Variants in P3H3 observed in about 807,000 individuals in gnomAD.
P3H3 encodes gene rich cluster, B.
P3H3 carries 64 observed loss-of-function variants against 78.1 expected under a neutral mutation model. The ratio of observed to expected loss-of-function variants is 0.82; its 90% CI spans 0.67 to 1.01. P3H3 has a LOEUF of 1.01. P3H3 is among the 50% of genes least tolerant of loss of function. The probability of loss-of-function intolerance (pLI) is 0.00; values close to 1 mark genes in which losing one functional copy is unlikely to be tolerated. For missense variants in P3H3, 975 were observed against 982.2 expected, an observed-to-expected ratio of 0.99 and a Z score of 0.10; for synonymous variants, 425 against 416.7, an observed-to-expected ratio of 1.02 and a Z score of -0.24.
At chr12:6,838,191 C>G in intron 13 of P3H3, 158 bp downstream of exon 13, 2 of 995,176 alleles carry the variant, frequency 2.0e-6, no homozygotes, top group Non-Finnish European at 1.5e-6. Flanking sequence ...TCCTCCGTAG[C>G]AAGGTCTCTA....
intron 6 of P3H3, 148 bp downstream of exon 6, chr12:6,832,062 C>T (rs1033375845): frequency 8.1e-6 from 5 of 614,140 alleles, no homozygotes; most frequent in Non-Finnish European, 1.5e-5. Context: ...GACAGTGTGC[C>T]TGTAGTTAGG....
Position 6,830,013 on chromosome 12 carries a change from T to G in P3H3, c.651+2T>G. 1.2e-6 allele frequency: 2 copies of G among 1,613,638 alleles called. No homozygotes were observed. The highest frequency in any genetic ancestry group is 1.7e-6 in the Non-Finnish European group (2 of 1,179,774). ...GACCTGGAGACGCCCCCACACTGGGTGAGAATCCCAGCACCACCCCTGTCT... is the reference window on the plus strand; with the variant it reads ...GACCTGGAGACGCCCCCACACTGGGGGAGAATCCCAGCACCACCCCTGTCT... On this transcript the variant is annotated splice_donor_variant, in intron 2 of 14. Coordinates refer to ENST00000290510, the MANE Select transcript of P3H3 (RefSeq NM_014262.5). LOFTEE classifies it high-confidence loss of function.
chr12:6,828,490 C>G lies in P3H3; in HGVS notation c.50C>G (p.Pro17Arg). Reference protein sequence around the residue: ...PLLLLLLLPPPGSPEPPGLTQ... With the variant: ...PLLLLLLLPPRGSPEPPGLTQ... ...CTGCTACTGCTGCTGCTGCCTCCCC[C>G]GGGGTCCCCTGAGCCCCCCGGCCTG... Residue 17 changes from proline to arginine, a missense_variant, in exon 1 of 15, where the codon CCG (proline) becomes CGG (arginine). Coordinates refer to ENST00000290510, the MANE Select transcript of P3H3 (RefSeq NM_014262.5). 2 of 1,321,744 alleles carry G rather than the reference C, an allele frequency of 1.5e-6. No homozygotes were observed. Among genetic ancestry groups the G allele is most frequent in the African/African-American group, 3.0e-5 (2 of 66,056 alleles). 81.9% of individuals were successfully genotyped at this position (1,321,744 alleles called of 1,614,324 possible).
chr12:6,838,145 C>A, intron 13 of P3H3, 112 bp downstream of exon 13: 1 of 1,404,180 alleles, frequency 7.1e-7, no homozygotes. Flanking sequence ...GCTTTTAACC[C>A]TTTCACTTCC....
intron 9 of P3H3, chr12:6,834,734 G>C (rs938593278): frequency 6.6e-6 from 1 of 152,172 alleles, no homozygotes; most frequent in Non-Finnish European, 1.5e-5. Context: ...CTGGGAGTTC[G>C]AGACCAGCCT....
rs370202438 is a variant in P3H3, at chr12:6,839,025, G to A, written c.1931G>A (p.Arg644His). Residue 644 changes from arginine to histidine, a missense_variant, in exon 14 of 15, where the codon CGC (arginine) becomes CAC (histidine). Arg to His is a conservative substitution (Grantham distance 29). Transcript: ENST00000290510. ...GCTCGGGTGCGTCCTCGCTGTGGGC[G>A]CCTTGTGGCCTTCAGCTCCGGTGTC... ...VTARVRPRCG[R>H]LVAFSSGVEN... is the part of the protein sequence containing the mutation. 25 of 1,608,692 alleles carry A rather than the reference G, an allele frequency of 1.6e-5. 1 individual carries two copies. Among genetic ancestry groups the A allele is most frequent in the Middle Eastern group, 1.6e-4 (1 of 6,062 alleles).
In P3H3 at chr12:6,830,594, G is replaced by T. The variant is rs782678200; in HGVS notation, c.853+40G>T. The T allele has an allele frequency of 3.8e-6, 6 of 1,589,836 alleles. No individual in the cohort carries two copies. The African/African-American group carries it at 8.1e-5, about 21-fold the overall frequency. ...TGTGAGGGGGTGGGTCGGTGCCCAG[G>T]GAGGGGCATGAACAAGCTGAATGGC... On this transcript the variant is annotated intron_variant, in intron 3 of 14. Coordinates refer to ENST00000290510, the MANE Select transcript of P3H3 (RefSeq NM_014262.5).
chr12:6,830,659 C>A lies in P3H3; in HGVS notation c.874C>A (p.Gln292Lys), dbSNP rs782610025. The change falls in exon 4 of 15, where the codon CAG (glutamine) becomes AAG (lysine). Residue 292 changes from glutamine (Q) to lysine (K), a missense_variant. By Grantham distance (53) the Gln-to-Lys change is moderately conservative. Coordinates refer to ENST00000290510, the MANE Select transcript of P3H3 (RefSeq NM_014262.5). ...TGCAGGACACTGGATTCAGGTCCTG[C>A]AGTGCCGGCAACGCTGTGTGGGGGA... is the stretch of plus-strand genomic sequence containing the variant. ...AIAGHWIQVL[Q>K]CRQRCVGETA... The A allele has an allele frequency of 6.2e-7, 1 of 1,612,730 alleles. No homozygotes were observed.
At position 6,831,433 on chromosome 12, in the gene P3H3, C is replaced by T. The variant is rs937791998; in HGVS notation, c.1122+81C>T. The T allele has an allele frequency of 1.5e-5, 24 of 1,568,724 alleles. 1 individual carries two copies. Among genetic ancestry groups the T allele is most frequent in the South Asian group, 2.3e-5 (2 of 87,352 alleles). On this transcript the variant is annotated intron_variant, in intron 5 of 14. Coordinates refer to ENST00000290510, the MANE Select transcript of P3H3 (RefSeq NM_014262.5). The surrounding 1 kb of genome is among the most constrained non-coding windows in gnomAD (Gnocchi z 4.6). ...TGAGAAGTAACCTGGACCCCCACCC[C>T]CCGCTGGCCTCTTACCCGAGCACTC...
At position 6,837,591 on chromosome 12, in the gene P3H3, CACT is replaced by C. The variant is rs1943512525; in HGVS notation, c.1711+19_1711+21del. 4 of 1,609,408 alleles carry C rather than the reference CACT, an allele frequency of 2.5e-6. No homozygotes were observed. Among genetic ancestry groups the C allele is most frequent in the Non-Finnish European group, 3.4e-6 (4 of 1,178,186 alleles). Reference sequence around the variant, plus strand: ...CATAGAAGGTACGACAGGGACCCCCCACTGCTCTTCTCCAACCTCAGGCCCTGC... The same window carrying C: ...CATAGAAGGTACGACAGGGACCCCCCGCTCTTCTCCAACCTCAGGCCCTGC... On this transcript the variant is annotated intron_variant, in intron 11 of 14. Transcript: ENST00000290510.
rs969747503 is a variant in P3H3, at chr12:6,829,114, C to A, written c.498+176C>A. 2.8e-4 allele frequency: 114 copies of A among 406,940 alleles called. No individual in the cohort carries two copies. The highest frequency in any genetic ancestry group is 2.6e-5 in the Non-Finnish European group (6 of 235,030). 25.2% of individuals were successfully genotyped at this position (406,940 alleles called of 1,614,324 possible). A position where few individuals can be genotyped will look rare whatever the true frequency, so the allele number is the denominator to read the frequency against. On this transcript the variant is annotated intron_variant, in intron 1 of 14. Coordinates refer to ENST00000290510, the MANE Select transcript of P3H3 (RefSeq NM_014262.5). This position sits in a 1 kb window ranked among gnomAD's most constrained non-coding sequence, Gnocchi z 5.1. ...AGCGACCGCGAGGACCTCTTGAGAT[C>A]GCAGAGGAGCAGCCGAGGGGGAGTG...
chr12:6,830,959 C>A, intron 4 of P3H3, 189 bp downstream of exon 4: 2 of 883,952 alleles, frequency 2.3e-6, no homozygotes, highest in Non-Finnish European at 1.8e-6. Flanking sequence ...AGGAGATGGG[C>A]TTCCTTCTGC....
At chr12:6,830,938 G>A in intron 4 of P3H3, 168 bp downstream of exon 4, 1 of 1,012,318 alleles carries the variant, frequency 9.9e-7, no homozygotes, top group Non-Finnish European at 1.5e-6. Flanking sequence ...TTTGGCGCCT[G>A]TGACAAGCTC....
rs1943419586 is a variant in P3H3 at position 6,829,098 on chromosome 12, G to C, written c.498+160G>C. ...GCGTAGGAGCTGGCTAAGCGACCGC[G>C]AGGACCTCTTGAGATCGCAGAGGAG... On this transcript the variant is annotated intron_variant, in intron 1 of 14. Coordinates refer to ENST00000290510, the MANE Select transcript of P3H3 (RefSeq NM_014262.5). The surrounding 1 kb of genome is among the most constrained non-coding windows in gnomAD (Gnocchi z 5.1). 2.3e-6 allele frequency: 1 copy of C among 427,190 alleles called. No individual in the cohort carries two copies. Among genetic ancestry groups the C allele is most frequent in the Middle Eastern group, 6.1e-4 (1 of 1,636 alleles). The allele number at this position is 427,190 out of a possible 1,614,324, so 26.5% of individuals were successfully genotyped here.
chr12:6,829,010 G>C lies in P3H3; in HGVS notation c.498+72G>C. On this transcript the variant is annotated intron_variant, in intron 1 of 14. Transcript: ENST00000290510. The surrounding 1 kb of genome is among the most constrained non-coding windows in gnomAD (Gnocchi z 5.1). ...ACGCTGTCCTACTTTGCGTTGCCCA[G>C]GAGTAGGCGGAATGCTGTTGCCCGG... The C allele has an allele frequency of 1.1e-6, 1 of 908,290 alleles. No homozygotes were observed. Among genetic ancestry groups the C allele is most frequent in the Non-Finnish European group, 1.4e-6 (1 of 692,326 alleles). The allele number at this position is 908,290 out of a possible 1,614,324, so 56.3% of individuals were successfully genotyped here.
chr12:6,837,294 T>C, intron 10 of P3H3, 129 bp from the exon 11 acceptor site: 1 of 1,329,954 alleles, frequency 7.5e-7, no homozygotes, highest in Non-Finnish European at 1.0e-6. Context: ...TTTGGGCTGA[T>C]GGACAGAGCT....
In P3H3 at chr12:6,833,935, C is replaced by T. The variant is rs1943472604; in HGVS notation, c.1344C>T (p.Leu448=). Residue 448 remains leucine, a synonymous_variant, in exon 9 of 15, where the codon CTC becomes CTT. Transcript: ENST00000290510. The part of the protein sequence containing the change: ...KPLTYWKDVL[L]LEGVTLTQDS... ...TCTTTTCCCTGGCAGATGTCCTTCT[C>T]CTGGAGGGTGTGACCTTGACCCAGG... The T allele has an allele frequency of 6.2e-7, 1 of 1,613,940 alleles. No homozygotes were observed. Among genetic ancestry groups the T allele is most frequent in the Non-Finnish European group, 8.5e-7 (1 of 1,179,884 alleles).
In P3H3 at chr12:6,831,847, G is replaced by C. The variant is rs781839925; in HGVS notation, c.1145G>C (p.Arg382Pro). ...PREDIQRFIL[R>P]SLGEKRQLYY... ...CAGGACATCCAGCGCTTCATCCTCC[G>C]ATCCCTGGGGGAGAAGAGGCAGCTC... is the stretch of plus-strand genomic sequence containing the variant. Residue 382 changes from arginine to proline, a missense_variant, in exon 6 of 15, where the codon CGA (arginine) becomes CCA (proline). Physicochemically the swap from Arg to Pro is moderately radical, Grantham distance 103. Coordinates refer to ENST00000290510, the MANE Select transcript of P3H3 (RefSeq NM_014262.5). The surrounding 1 kb of genome is among the most constrained non-coding windows in gnomAD (Gnocchi z 4.6). The C allele has an allele frequency of 1.9e-6, 3 of 1,607,492 alleles. No homozygotes were observed. Among genetic ancestry groups the C allele is most frequent in the Non-Finnish European group, 2.6e-6 (3 of 1,176,002 alleles).
Position 6,831,556 on chromosome 12 carries a change from T to C in P3H3, c.1122+204T>C, listed in dbSNP as rs1428785368. 6.6e-6 allele frequency among the ~76,000 whole-genome samples: 1 copy of C among 151,876 alleles called. No homozygotes were observed. Among genetic ancestry groups the C allele is most frequent in the Non-Finnish European group, 1.5e-5 (1 of 67,974 alleles). ...GTTCCGATTCCAGCCCTCAGCCCCG[T>C]CTCTCTTGCCTTTACTTCACTCCTG... On this transcript the variant is annotated intron_variant, in intron 5 of 14. Transcript: ENST00000290510. This position sits in a 1 kb window ranked among gnomAD's most constrained non-coding sequence, Gnocchi z 4.6.
Sources: allele counts gnomAD v4.1 joint callset (sites outside exome capture counted in the v4.1 genomes callset), GRCh38; gene constraint gnomAD v4.1.1; non-coding constraint Gnocchi (gnomAD v3.1); transcripts MANE v1.5; gene names NCBI Gene and HGNC (gene_info 2026-07-23, HGNC 2026-07-21).